Variants in KCNQ1 observed in about 807,000 individuals in gnomAD.
KCNQ1 encodes potassium voltage-gated channel subfamily KQT member 1.
KCNQ1 carries 49 observed loss-of-function variants against 72.4 expected under a neutral mutation model. The observed-to-expected ratio is 0.68, with a 90% confidence interval of 0.54 to 0.86. The LOEUF (loss-of-function observed/expected upper bound fraction) is 0.86. KCNQ1 is among the 40% of genes least tolerant of loss of function. KCNQ1 has a pLI of 0.00. For synonymous variants in KCNQ1, 450 were observed against 412.6 expected, an observed-to-expected ratio of 1.09 and a Z score of -1.10; for missense variants, 790 against 945.1, an observed-to-expected ratio of 0.84 and a Z score of 2.15.
At chr11:2,640,685 T>C (rs895938494) in intron 10 of KCNQ1, 2 of 398,418 alleles carry the variant, frequency 5.0e-6, no homozygotes, top group African/African-American at 2.1e-5. Flanking sequence ...TCTCTATAGT[T>C]AGGAACATTT....
chr11:2,526,243 G>C lies in KCNQ1; in HGVS notation c.387-1685G>C, dbSNP rs976669564. 2.0e-5 allele frequency among the ~76,000 whole-genome samples: 3 copies of C among 152,054 alleles called. No individual in the cohort carries two copies. Among genetic ancestry groups the C allele is most frequent in the African/African-American group, 7.2e-5 (3 of 41,406 alleles). ...GCTGGGTGTGTGGGCTGGGGGCGCC[G>C]AGGGTGGAGGTGGGCACTGTGGTCA... On this transcript the variant is annotated intron_variant, in intron 1 of 15. Coordinates refer to ENST00000155840, the MANE Select transcript of KCNQ1 (RefSeq NM_000218.3). The surrounding 1 kb of genome is among the most constrained non-coding windows in gnomAD (Gnocchi z 6.1).
At chr11:2,574,355 G>A (rs1332226394) in intron 6 of KCNQ1, among the ~76,000 whole-genome samples, 4 of 151,340 alleles carry the variant, frequency 2.6e-5, no homozygotes, top group Non-Finnish European at 5.9e-5. Flanking sequence ...CACTCAGTCC[G>A]ATAACAGGTT....
rs554224286 is a variant in KCNQ1, at chr11:2,447,563, C to T, written c.386+2079C>T. On this transcript the variant is annotated intron_variant, in intron 1 of 15. Coordinates refer to ENST00000155840, the MANE Select transcript of KCNQ1 (RefSeq NM_000218.3). The surrounding 1 kb of genome is among the most constrained non-coding windows in gnomAD (Gnocchi z 7.6). ...GCCCTAGGAGGTTGGCAGGACCAGTCTCTTGAGGGGAGACCTGGTCATAGA... is the reference window on the plus strand; with the variant it reads ...GCCCTAGGAGGTTGGCAGGACCAGTTTCTTGAGGGGAGACCTGGTCATAGA... Among the ~76,000 whole-genome samples, 29 of 152,222 alleles carry T rather than the reference C, an allele frequency of 1.9e-4. No individual in the cohort carries two copies. Among genetic ancestry groups the T allele is most frequent in the African/African-American group, 7.0e-4 (29 of 41,550 alleles).
intron 11 of KCNQ1, among the ~76,000 whole-genome samples, chr11:2,719,565 T>C (rs1317279454): frequency 6.6e-6 from 1 of 151,642 alleles, no homozygotes; most frequent in African/African-American, 2.4e-5. Context: ...CAGATCAAAA[T>C]AAGAAGTCAG....
intron 11 of KCNQ1, among the ~76,000 whole-genome samples, chr11:2,732,470 A>G (rs1368515211): frequency 6.6e-6 from 1 of 152,110 alleles, no homozygotes; most frequent in Non-Finnish European, 1.5e-5. Context: ...TTGCTGGGCC[A>G]TCTTTCAGAC....
In KCNQ1 at chr11:2,712,895, G is replaced by C. The variant is rs129074; in HGVS notation, c.1514+50814G>C. 1.3e-5 allele frequency among the ~76,000 whole-genome samples: 2 copies of C among 151,824 alleles called. No individual in the cohort carries two copies. The highest frequency in any genetic ancestry group is 2.9e-5 in the Non-Finnish European group (2 of 67,942). On this transcript the variant is annotated intron_variant, in intron 11 of 15. Transcript: ENST00000155840. The surrounding 1 kb of genome is among the most constrained non-coding windows in gnomAD (Gnocchi z 6.4). The stretch of plus-strand genomic sequence containing the variant: ...GGGAAATGGAAGGACTGCAGCCCCC[G>C]CCTCCCTCCAAGGCAGTTGTCAGAG...
In KCNQ1 at chr11:2,671,650, G is replaced by C. The variant is rs578143007; in HGVS notation, c.1514+9569G>C. 28 of 394,236 alleles carry C rather than the reference G, an allele frequency of 7.1e-5. No individual in the cohort carries two copies. Among genetic ancestry groups the C allele is most frequent in the African/African-American group, 5.6e-4 (27 of 48,276 alleles). 24.4% of individuals were successfully genotyped at this position (394,236 alleles called of 1,614,324 possible). A position where few individuals can be genotyped will look rare whatever the true frequency, so the allele number is the denominator to read the frequency against. On this transcript the variant is annotated intron_variant, in intron 11 of 15. Coordinates refer to ENST00000155840, the MANE Select transcript of KCNQ1 (RefSeq NM_000218.3). The surrounding 1 kb of genome is among the most constrained non-coding windows in gnomAD (Gnocchi z 4.7). ...AGCAGTGTCCTGTGGTGCCCTGCTGGGGAAACTGAGGCAGAGAGCAGGGGT... is the reference window on the plus strand; with the variant it reads ...AGCAGTGTCCTGTGGTGCCCTGCTGCGGAAACTGAGGCAGAGAGCAGGGGT...
intron 15 of KCNQ1, among the ~76,000 whole-genome samples, chr11:2,800,766 A>G (rs1847247353): frequency 6.6e-6 from 1 of 152,118 alleles, no homozygotes. Flanking sequence ...GGTTCAGGAG[A>G]TCCCCATTGA....
rs1848990547 is a variant in KCNQ1 at position 2,612,365 on chromosome 11, T to C, written c.1393+23511T>C. On this transcript the variant is annotated intron_variant, in intron 10 of 15. Coordinates refer to ENST00000155840, the MANE Select transcript of KCNQ1 (RefSeq NM_000218.3). The surrounding 1 kb of genome is among the most constrained non-coding windows in gnomAD (Gnocchi z 5.5). ...GAAAAATTGTCTTCCACAAAACTGG[T>C]CCCTCATGCCAAAAAGGTTGGGGAC... The C allele has an allele frequency of 2.5e-6, 1 of 398,628 alleles. No individual in the cohort carries two copies. Among genetic ancestry groups the C allele is most frequent in the Non-Finnish European group, 4.4e-6 (1 of 226,076 alleles). The allele number at this position is 398,628 out of a possible 1,614,324, so 24.7% of individuals were successfully genotyped here. A position where few individuals can be genotyped will look rare whatever the true frequency, so the allele number is the denominator to read the frequency against.
At chr11:2,807,022 G>C (rs956773759) in intron 15 of KCNQ1, among the ~76,000 whole-genome samples, 3 of 152,220 alleles carry the variant, frequency 2.0e-5, no homozygotes, top group Non-Finnish European at 4.4e-5. Context: ...CTGTGACCGT[G>C]CAGGGAGGGT....
rs548826506 is a variant in KCNQ1, at chr11:2,446,028, C to T, written c.386+544C>T. On this transcript the variant is annotated intron_variant, in intron 1 of 15. Coordinates refer to ENST00000155840, the MANE Select transcript of KCNQ1 (RefSeq NM_000218.3). The surrounding 1 kb of genome is among the most constrained non-coding windows in gnomAD (Gnocchi z 8.8). ...ATGCCACGGGCCGTCCCCACGGGCC[C>T]CACATTAACTAATTGAACCAAGCTC... is the stretch of plus-strand genomic sequence containing the variant. 6.0e-5 allele frequency among the ~76,000 whole-genome samples: 9 copies of T among 149,678 alleles called. No individual in the cohort carries two copies. The Middle Eastern group carries it at 0.01, about 173-fold the overall frequency.
intron 10 of KCNQ1, among the ~76,000 whole-genome samples, chr11:2,597,356 T>C (rs529414082): frequency 5.3e-5 from 8 of 152,220 alleles, no homozygotes; most frequent in Non-Finnish European, 1.2e-4. Flanking sequence ...CTTACACATT[T>C]GCAAAATAAT....
chr11:2,463,918 T>C lies in KCNQ1; in HGVS notation c.386+18434T>C, dbSNP rs1417002867. Among the ~76,000 whole-genome samples the C allele has an allele frequency of 2.0e-5, 3 of 152,204 alleles. No individual in the cohort carries two copies. On this transcript the variant is annotated intron_variant, in intron 1 of 15. Transcript: ENST00000155840. This position sits in a 1 kb window ranked among gnomAD's most constrained non-coding sequence, Gnocchi z 7.0. Reference sequence around the variant, plus strand: ...CAGGGGGAAGGTTCTCCCCACGGTGTGAGGCAGCACCGAGGGCTCCGTGCC... The same window carrying C: ...CAGGGGGAAGGTTCTCCCCACGGTGCGAGGCAGCACCGAGGGCTCCGTGCC...
intron 11 of KCNQ1, among the ~76,000 whole-genome samples, chr11:2,729,514 G>A (rs1845816953): frequency 6.6e-6 from 1 of 152,234 alleles, no homozygotes; most frequent in African/African-American, 2.4e-5. Flanking sequence ...GACGTATAAG[G>A]GCTCTGCATC....
At chr11:2,622,072 C>T in intron 10 of KCNQ1, 1 of 398,222 alleles carries the variant, frequency 2.5e-6, no homozygotes, top group Non-Finnish European at 4.4e-6. Flanking sequence ...GTTGTGTTCC[C>T]ACTGTCATTT....
chr11:2,797,087 G>T (rs944583882), intron 15 of KCNQ1, among the ~76,000 whole-genome samples: 8 of 152,238 alleles, frequency 5.3e-5, no homozygotes, highest in African/African-American at 1.9e-4. Context: ...GGCCTCACCT[G>T]GGCTGTCTCC....
rs1590006335 is a variant in KCNQ1 at position 2,651,367 on chromosome 11, C to G, written c.1394-10594C>G. 1 of 398,756 alleles carries G rather than the reference C, an allele frequency of 2.5e-6. No individual in the cohort carries two copies. Among genetic ancestry groups the G allele is most frequent in the Non-Finnish European group, 4.4e-6 (1 of 226,150 alleles). 24.7% of individuals were successfully genotyped at this position (398,756 alleles called of 1,614,324 possible). A position where few individuals can be genotyped will look rare whatever the true frequency, so the allele number is the denominator to read the frequency against. On this transcript the variant is annotated intron_variant, in intron 10 of 15. Coordinates refer to ENST00000155840, the MANE Select transcript of KCNQ1 (RefSeq NM_000218.3). The surrounding 1 kb of genome is among the most constrained non-coding windows in gnomAD (Gnocchi z 6.1). ...AGAGAGCTGGGGTATTTATCTTTCA[C>G]TAGTGAGTGCTGCCCCGGTGGTGGC...
intron 2 of KCNQ1, among the ~76,000 whole-genome samples, chr11:2,561,966 C>T (rs1026061161): frequency 8.5e-4 from 129 of 152,296 alleles, no homozygotes; most frequent in East Asian, 5.8e-4. Flanking sequence ...GGATGCAGCC[C>T]GACTAAGGCT....
At chr11:2,694,618 T>C (rs1007395991) in intron 11 of KCNQ1, 10 of 398,478 alleles carry the variant, frequency 2.5e-5, no homozygotes, top group African/African-American at 1.9e-4. Context: ...GTTCAATAAA[T>C]GAATGAAACC....
Sources: allele counts gnomAD v4.1 joint callset (sites outside exome capture counted in the v4.1 genomes callset), GRCh38; gene constraint gnomAD v4.1.1; non-coding constraint Gnocchi (gnomAD v3.1); transcripts MANE v1.5; gene names NCBI Gene and HGNC (gene_info 2026-07-23, HGNC 2026-07-21).